IL5: variants seen among roughly 807,000 people sequenced by gnomAD.
The protein encoded by IL5 is interleukin 5, also known as interleukin-5.
In IL5, 12 loss-of-function variants were observed where a neutral mutation model predicts 16.3. The ratio of observed to expected loss-of-function variants is 0.74; its 90% CI spans 0.47 to 1.20. IL5 has a LOEUF of 1.20. Among genes scored for constraint, IL5 ranks in the 50% most tolerant of loss-of-function variants. The pLI is 0.00. For synonymous variants in IL5, 54 were observed against 56.6 expected (o/e 0.95, Z 0.21); for missense variants, 159 against 153.9 (o/e 1.03, Z -0.17).
At chr5:132,555,771 T>TC (rs1289013820) in intron 1 of IL5, among the ~76,000 whole-genome samples, 2 of 152,220 alleles carry the variant, frequency 1.3e-5, no homozygotes, top group Non-Finnish European at 2.9e-5. Flanking sequence ...CGTCTCGGCC[T>TC]CCCAAAGTGC....
intron 1 of IL5, 43 bp downstream of exon 1, chr5:132,543,292 A>G (rs1264134286): frequency 1.3e-6 from 2 of 1,544,320 alleles, no homozygotes; most frequent in South Asian, 2.3e-5. Flanking sequence ...ACAAATGATT[A>G]CCTATGCACT....
intron 1 of IL5, among the ~76,000 whole-genome samples, chr5:132,554,886 A>G (rs886128538): frequency 3.9e-5 from 6 of 152,218 alleles, no homozygotes; most frequent in Non-Finnish European, 8.8e-5. Context: ...GATATATGCT[A>G]CAGTGGTCCC....
Position 132,542,010 on chromosome 5 carries a change from C to G in IL5, c.306+5G>C. 2 of 1,613,778 alleles carry G rather than the reference C, an allele frequency of 1.2e-6. No individual in the cohort carries two copies. On this transcript the variant is annotated splice_donor_5th_base_variant and intron_variant, in intron 3 of 3. Transcript: ENST00000231454. Reference sequence around the variant, plus strand: ...TATAGCTTCCATTGAATGTGTGTAACTTACTTTTTGGCCGTCAATGTATTT... The same window carrying G: ...TATAGCTTCCATTGAATGTGTGTAAGTTACTTTTTGGCCGTCAATGTATTT...
chr5:132,551,882 T>G (rs929656493), intron 1 of IL5, among the ~76,000 whole-genome samples: 15 of 152,172 alleles, frequency 9.9e-5, no homozygotes, highest in African/African-American at 3.6e-4. Flanking sequence ...TTCCCTTAAA[T>G]TGCAATTTCT....
At position 132,543,338 on chromosome 5, in the gene IL5, A is replaced by T. The variant is rs371004662; in HGVS notation, c.141T>A (p.Asn47Lys). 1 of 1,613,698 alleles carries T rather than the reference A, an allele frequency of 6.2e-7. No homozygotes were observed. Among genetic ancestry groups the T allele is most frequent in the South Asian group, 1.1e-5 (1 of 91,030 alleles). Residue 47 changes from asparagine (N) to lysine (K), a missense_variant, in exon 1 of 4, where the codon AAT becomes AAA. Coordinates refer to ENST00000231454, the MANE Select transcript of IL5 (RefSeq NM_000879.3). The part of the protein sequence containing the change: ...LSTHRTLLIA[N>K]ETLRIPVPVH... Reference sequence around the variant, plus strand: ...TAGGAATCATAAAGAAAATTACCTCATTGGCTATCAGCAGAGTTCGATGAG... The same window carrying T: ...TAGGAATCATAAAGAAAATTACCTCTTTGGCTATCAGCAGAGTTCGATGAG...
At chr5:132,545,996 A>G (rs1356878482), upstream of IL5, among the ~76,000 whole-genome samples, 1 of 152,166 alleles carries the variant, frequency 6.6e-6, no homozygotes, top group Non-Finnish European at 1.5e-5. Flanking sequence ...AATCCTGCTT[A>G]TTATATATAA....
upstream of IL5, among the ~76,000 whole-genome samples, chr5:132,546,695 C>T (rs769501966): frequency 6.6e-6 from 1 of 152,110 alleles, no homozygotes; most frequent in Non-Finnish European, 1.5e-5. Context: ...TGACTGTAAA[C>T]TGTCTCGGAG....
chr5:132,542,266 C>T (rs1749709936), intron 2 of IL5, 123 bp from the exon 3 acceptor site: 2 of 448,648 alleles, frequency 4.5e-6, no homozygotes, highest in South Asian at 7.7e-5. Context: ...AATATATATA[C>T]TTTTTAATTC....
intron 1 of IL5, among the ~76,000 whole-genome samples, chr5:132,554,399 A>C (rs1342077080): frequency 1.3e-5 from 2 of 151,504 alleles, no homozygotes; most frequent in African/African-American, 2.4e-5. Context: ...TCTCCACTTG[A>C]ATAGTCAATT....
chr5:132,549,009 C>T (rs1318120428), intron 1 of IL5, among the ~76,000 whole-genome samples: 3 of 152,070 alleles, frequency 2.0e-5, no homozygotes, highest in Non-Finnish European at 4.4e-5. Context: ...TTCCAAGAAC[C>T]TATTGATGAC....
chr5:132,543,214 C>T (rs893788025), intron 1 of IL5, 88 bp from the exon 2 acceptor site: 8 of 1,414,856 alleles, frequency 5.7e-6, no homozygotes, highest in African/African-American at 2.8e-5. Flanking sequence ...GTAGTTATCA[C>T]CCATGTACTA....
chr5:132,543,539 C>T (rs761383171), upstream of IL5: 30 of 1,505,798 alleles, frequency 2.0e-5, no homozygotes, highest in Non-Finnish European at 2.6e-5. Flanking sequence ...AGACTGCGTC[C>T]CCAGTCAATT....
upstream of IL5, among the ~76,000 whole-genome samples, chr5:132,547,722 A>C (rs1284041724): frequency 6.6e-6 from 1 of 152,228 alleles, no homozygotes; most frequent in African/African-American, 2.4e-5. Context: ...GCTCTCTAAC[A>C]GTCTTGAAAC....
chr5:132,548,665 G>A (rs1048720164), intron 1 of IL5, among the ~76,000 whole-genome samples: 1 of 152,174 alleles, frequency 6.6e-6, no homozygotes, highest in African/African-American at 2.4e-5. Context: ...GTGTGCGTCT[G>A]TGTGTGCGTC....
At chr5:132,546,992 C>T (rs541022420), upstream of IL5, among the ~76,000 whole-genome samples, 14 of 152,186 alleles carry the variant, frequency 9.2e-5, no homozygotes, top group African/African-American at 3.1e-4. Flanking sequence ...CGCCACTGCA[C>T]GCCAGCCTGG....
At chr5:132,554,485 AC>A (rs1209174779) in intron 1 of IL5, among the ~76,000 whole-genome samples, 14 of 152,328 alleles carry the variant, frequency 9.2e-5, no homozygotes, top group African/African-American at 3.4e-4. Context: ...AATCAAAATT[AC>A]AATGAGGTAT....
At chr5:132,546,942 C>T (rs1216249522), upstream of IL5, among the ~76,000 whole-genome samples, 2 of 152,136 alleles carry the variant, frequency 1.3e-5, no homozygotes, top group African/African-American at 4.8e-5. Flanking sequence ...AGGAGAATGG[C>T]GTGAACCTGG....
intron 1 of IL5, among the ~76,000 whole-genome samples, chr5:132,554,506 C>T (rs1261615503): frequency 6.6e-6 from 1 of 151,974 alleles, no homozygotes; most frequent in African/African-American, 2.4e-5. Flanking sequence ...TCACTTCACA[C>T]TCATCAGGAT....
exon 1 of IL5, chr5:132,556,686 G>A (rs1561626215): frequency 1.6e-6 from 2 of 1,264,624 alleles, no homozygotes; most frequent in Non-Finnish European, 2.1e-6. Context: ...CGCTTCCTGG[G>A]TCTCCAATCC....
Sources: allele counts gnomAD v4.1 joint callset (sites outside exome capture counted in the v4.1 genomes callset), GRCh38; gene constraint gnomAD v4.1.1; transcripts MANE v1.5; gene names NCBI Gene and HGNC (gene_info 2026-07-23, HGNC 2026-07-21).